Variants in VEPH1 observed in about 807,000 individuals in gnomAD.
VEPH1 encodes ventricular zone expressed PH domain containing 1, also known as ventricular zone-expressed PH domain-containing protein homolog 1.
Under a neutral mutation model 85.2 loss-of-function variants are expected in VEPH1, and 80 were observed. That is an observed-to-expected ratio of 0.94 (90% CI 0.78 to 1.13). The LOEUF (loss-of-function observed/expected upper bound fraction) is 1.13, where lower values mean the gene tolerates loss of function less well. Ranked by LOEUF, VEPH1 falls within the 50% of genes most tolerant of loss-of-function variation. The pLI, the probability that VEPH1 is intolerant of heterozygous loss-of-function variation, is 0.00. For synonymous variants in VEPH1, 297 were observed against 348.0 expected, an observed-to-expected ratio of 0.85 and a Z score of 1.63; for missense variants, 955 against 980.5, an observed-to-expected ratio of 0.97 and a Z score of 0.35.
intron 12 of VEPH1, among the ~76,000 whole-genome samples, chr3:157,281,484 G>A (rs999046025): frequency 2.0e-5 from 3 of 152,024 alleles, no homozygotes; most frequent in Non-Finnish European, 4.4e-5. Context: ...ACATGTGGTA[G>A]AAGAAAAGAC....
intron 9 of VEPH1, among the ~76,000 whole-genome samples, chr3:157,346,754 G>C (rs1426371601): frequency 6.6e-6 from 1 of 151,964 alleles, no homozygotes; most frequent in Non-Finnish European, 1.5e-5. Context: ...CCATCAGCAC[G>C]TGCCACCATG....
At chr3:157,437,044 A>G (rs1289651886) in intron 4 of VEPH1, 1 of 1,613,708 alleles carries the variant, frequency 6.2e-7, no homozygotes, top group East Asian at 2.2e-5. Context: ...TAGACAATGG[A>G]CTCCATCCCA....
chr3:157,482,176 A>G (rs1412942520), intron 2 of VEPH1, among the ~76,000 whole-genome samples: 1 of 152,042 alleles, frequency 6.6e-6, no homozygotes, highest in Non-Finnish European at 1.5e-5. Context: ...TTATATATGA[A>G]TTTTAGAATA....
At chr3:157,293,586 T>TA (rs1294834724) in intron 11 of VEPH1, among the ~76,000 whole-genome samples, 1 of 151,284 alleles carries the variant, frequency 6.6e-6, no homozygotes, top group African/African-American at 2.4e-5. Flanking sequence ...TATGACAAAA[T>TA]AAAAAAAAGC....
At chr3:157,462,616 A>G (rs1436291455) in intron 3 of VEPH1, among the ~76,000 whole-genome samples, 1 of 152,224 alleles carries the variant, frequency 6.6e-6, no homozygotes, top group Non-Finnish European at 1.5e-5. Flanking sequence ...TTTGGGAGTG[A>G]TAGCATTCAT....
chr3:157,262,137 C>T (rs1427697833), intron 13 of VEPH1, among the ~76,000 whole-genome samples: 1 of 152,134 alleles, frequency 6.6e-6, no homozygotes, highest in African/African-American at 2.4e-5. Flanking sequence ...GAAAAAGCAT[C>T]CTCTTCACTC....
chr3:157,369,078 T>C (rs1727083506), intron 7 of VEPH1, among the ~76,000 whole-genome samples: 1 of 150,874 alleles, frequency 6.6e-6, no homozygotes, highest in Non-Finnish European at 1.5e-5. Context: ...GACCACATTG[T>C]TGTCTGAAGT....
At chr3:157,435,122 A>C (rs1444756173) in intron 4 of VEPH1, among the ~76,000 whole-genome samples, 4 of 151,724 alleles carry the variant, frequency 2.6e-5, no homozygotes, top group Admixed American at 2.6e-4. Flanking sequence ...AAAATCACCT[A>C]GCCTTTTTCT....
chr3:157,354,936 A>G (rs1453515571), intron 9 of VEPH1, among the ~76,000 whole-genome samples: 3 of 152,110 alleles, frequency 2.0e-5, no homozygotes, highest in Admixed American at 6.5e-5. Context: ...TTCTCTCAGG[A>G]TAGAGCCCAG....
At chr3:157,406,062 T>A (rs1466541283) in intron 6 of VEPH1, among the ~76,000 whole-genome samples, 1 of 152,230 alleles carries the variant, frequency 6.6e-6, no homozygotes, top group Non-Finnish European at 1.5e-5. Context: ...TAATATTATT[T>A]ACAGTTAACA....
At chr3:157,438,950 G>T (rs528588218) in intron 4 of VEPH1, among the ~76,000 whole-genome samples, 1 of 152,170 alleles carries the variant, frequency 6.6e-6, no homozygotes, top group African/African-American at 2.4e-5. Flanking sequence ...ACTTTTGCTG[G>T]ATGGGGAGGG....
chr3:157,470,649 G>A (rs1736851891), intron 2 of VEPH1, 120 bp from the exon 3 acceptor site: 1 of 873,318 alleles, frequency 1.1e-6, no homozygotes, highest in East Asian at 2.5e-5. Context: ...AAGGGGTGAG[G>A]GTGTAAAGCC....
chr3:157,488,137 T>A (rs1738829131), intron 2 of VEPH1, among the ~76,000 whole-genome samples: 1 of 152,160 alleles, frequency 6.6e-6, no homozygotes, highest in Non-Finnish European at 1.5e-5. Context: ...ATGTGCTTCT[T>A]CCATTTAAAA....
At chr3:157,378,409 A>G (rs1231769290) in intron 7 of VEPH1, among the ~76,000 whole-genome samples, 1 of 145,574 alleles carries the variant, frequency 6.9e-6, no homozygotes, top group Non-Finnish European at 1.5e-5. Flanking sequence ...GACATTTAGC[A>G]AAACCTGGAG....
chr3:157,458,272 C>T (rs1735546125), intron 4 of VEPH1, among the ~76,000 whole-genome samples: 1 of 152,098 alleles, frequency 6.6e-6, no homozygotes, highest in South Asian at 2.1e-4. Context: ...ATTAGTCTAG[C>T]TAGCTCCTGG....
At chr3:157,333,426 A>G (rs1722679048) in intron 9 of VEPH1, among the ~76,000 whole-genome samples, 4 of 152,236 alleles carry the variant, frequency 2.6e-5, no homozygotes, top group East Asian at 1.9e-4. Flanking sequence ...AAAGTAGTCA[A>G]TGTCAACATG....
chr3:157,413,889 C>T lies in VEPH1; in HGVS notation c.898G>A (p.Val300Met), dbSNP rs534715116. 6.2e-7 allele frequency: 1 copy of T among 1,613,202 alleles called. No homozygotes were observed. The highest frequency in any genetic ancestry group is 1.3e-5 in the African/African-American group (1 of 75,004). The change falls in exon 6 of 14, where the codon GTG becomes ATG. Residue 300 changes from valine to methionine, a missense_variant. Physicochemically the swap from Val to Met is conservative, Grantham distance 21. Coordinates refer to ENST00000362010, the MANE Select transcript of VEPH1 (RefSeq NM_001167912.2). ...AAAAAAGCCAAACTTACTTCATCCACATGCCCAACAGCTCCATAAATCCTT... is the reference window on the plus strand; with the variant it reads ...AAAAAAGCCAAACTTACTTCATCCATATGCCCAACAGCTCCATAAATCCTT... ...MARIYGAVGH[V>M]DEERARSCLT...
intron 12 of VEPH1, among the ~76,000 whole-genome samples, chr3:157,272,240 T>C (rs1021590786): frequency 1.5e-5 from 2 of 137,210 alleles, no homozygotes; most frequent in Non-Finnish European, 3.2e-5. Flanking sequence ...TCTCTTTTCT[T>C]CTTCCTTCCT....
At chr3:157,493,960 T>G (rs1739442019) in intron 2 of VEPH1, among the ~76,000 whole-genome samples, 2 of 152,184 alleles carry the variant, frequency 1.3e-5, no homozygotes, top group African/African-American at 4.8e-5. Flanking sequence ...AGAAGGGGTT[T>G]CTGAAAACAG....
Sources: allele counts gnomAD v4.1 joint callset (sites outside exome capture counted in the v4.1 genomes callset), GRCh38; gene constraint gnomAD v4.1.1; transcripts MANE v1.5; gene names NCBI Gene and HGNC (gene_info 2026-07-23, HGNC 2026-07-21).